Variants in PSMD10 observed in about 807,000 individuals in gnomAD.
PSMD10 encodes proteasome 26S subunit, non-ATPase 10, also known as 26S proteasome non-ATPase regulatory subunit 10.
Under a neutral mutation model 13.2 loss-of-function variants are expected in PSMD10, and 2 were observed. The observed-to-expected ratio is 0.15, with a 90% CI of 0.06 to 0.48. The LOEUF is 0.48. Among genes scored for constraint, PSMD10 ranks in the 20% least tolerant of loss-of-function variants. The probability of loss-of-function intolerance (pLI) is 0.97; values close to 1 mark genes in which losing one functional copy is unlikely to be tolerated. For synonymous variants in PSMD10, 66 were observed against 64.4 expected (o/e 1.03, Z -0.12); for missense variants, 120 against 167.4 (o/e 0.72, Z 1.56).
At chrX:108,090,245 G>T (rs1182945191) in intron 1 of PSMD10, among the ~76,000 whole-genome samples, 1 of 111,876 alleles carries the variant, frequency 8.9e-6, no homozygotes, top group African/African-American at 3.3e-5. Flanking sequence ...TCTGTATTCA[G>T]ATTGCCCCCA....
intron 2 of PSMD10, 71 bp from the exon 3 acceptor site, chrX:108,088,170 G>A (rs2031521493): frequency 1.9e-6 from 2 of 1,043,636 alleles, no homozygotes; most frequent in East Asian, 6.1e-5. Flanking sequence ...ATTTAGGAAG[G>A]GTTAGCAAGG....
At chrX:108,087,520 G>A in intron 4 of PSMD10, 166 bp downstream of exon 4, 1 of 662,909 alleles carries the variant, frequency 1.5e-6, no homozygotes, top group Non-Finnish European at 2.2e-6. Flanking sequence ...TTTCTGAGTG[G>A]CAAGATAATA....
rs1446772445 is a variant in PSMD10, at chrX:108,087,768, T to G, written c.445A>C (p.Lys149Gln). The change falls in exon 4 of 5, where the codon AAG (lysine) becomes CAG (glutamine). Residue 149 changes from lysine to glutamine, a missense_variant. Lys to Gln is a moderately conservative substitution (Grantham distance 53). This residue lies in a region of PSMD10 where 68 missense variants were observed against 124.8 expected (regional missense o/e 0.54). Coordinates refer to ENST00000217958, the MANE Select transcript of PSMD10 (RefSeq NM_002814.4). ...EATAMHRAAAKGNLKMIHILL... is the reference protein window; with the variant it reads ...EATAMHRAAAQGNLKMIHILL... The stretch of plus-strand genomic sequence containing the variant: ...ATATGAATCATCTTCAAGTTACCCT[T>G]GGCTGCTGCCCGGTGCATTGCTGTA... 1 of 1,210,398 alleles carries G rather than the reference T, an allele frequency of 8.3e-7. No homozygotes were observed. The highest frequency in any genetic ancestry group is 1.1e-6 in the Non-Finnish European group (1 of 895,385).
chrX:108,088,268 TAGAATA>T (rs2031522607), intron 2 of PSMD10, among the ~76,000 whole-genome samples, 169 bp from the exon 3 acceptor site: 1 of 112,322 alleles, frequency 8.9e-6, no homozygotes, highest in African/African-American at 3.2e-5. Context: ...ACCATATCAT[TAGAATA>T]AATCTCTTTA....
intron 2 of PSMD10, chrX:108,088,358 GAA>G (rs2031524171): frequency 1.4e-5 from 5 of 354,976 alleles, no homozygotes; most frequent in Non-Finnish European, 2.4e-5. Context: ...CAACATAATA[GAA>G]AGAGTTTATG....
chrX:108,084,835 AAG>A lies in PSMD10; in HGVS notation c.*137_*138del. ...TTCGAACAAGTAACTCAGCAGGAACAAGAGTCAACATGTTTATAAGACTTTGA... is the reference window on the plus strand; with the variant it reads ...TTCGAACAAGTAACTCAGCAGGAACAAGTCAACATGTTTATAAGACTTTGA... On this transcript the variant is annotated 3_prime_UTR_variant, in exon 5 of 5. Coordinates refer to ENST00000217958, the MANE Select transcript of PSMD10 (RefSeq NM_002814.4). 1 of 687,737 alleles carries A rather than the reference AAG, an allele frequency of 1.5e-6. No individual in the cohort carries two copies. The highest frequency in any genetic ancestry group is 2.1e-6 in the Non-Finnish European group (1 of 486,251). The allele number at this position is 687,737 out of a possible 1,213,427, so 56.7% of individuals were successfully genotyped here.
intron 1 of PSMD10, among the ~76,000 whole-genome samples, chrX:108,089,650 T>C (rs1019378093): frequency 9.1e-6 from 1 of 110,239 alleles, no homozygotes; most frequent in Admixed American, 9.7e-5. Context: ...CCTGGCAACA[T>C]GGTGAAACTC....
At chrX:108,091,324 G>T in intron 1 of PSMD10, 83 bp downstream of exon 1, 2 of 911,641 alleles carry the variant, frequency 2.2e-6, no homozygotes, top group Admixed American at 4.5e-5. Flanking sequence ...TCAGAAACGG[G>T]GCCTCCGCTA....
At chrX:108,089,787 G>C (rs1244285929) in intron 1 of PSMD10, among the ~76,000 whole-genome samples, 1 of 110,853 alleles carries the variant, frequency 9.0e-6, no homozygotes, top group African/African-American at 3.3e-5. Context: ...GAGGTGATAC[G>C]GCACCACTGC....
In PSMD10 at chrX:108,088,773, C is replaced by A. The variant is rs777486130; in HGVS notation, c.192G>T (p.Val64=). 2 of 1,204,103 alleles carry A rather than the reference C, an allele frequency of 1.7e-6. No individual in the cohort carries two copies. The highest frequency in any genetic ancestry group is 2.3e-4 in the Middle Eastern group (1 of 4,306). ...EIVEFLLQLG[V]PVNDKDDAGW... is the part of the protein sequence containing the mutation. ...TCACATCGTCTTTATCATTCACTGG[C>A]ACTCCAAGTTGCAACAAAAATTCAA... Residue 64 remains valine (V), a synonymous_variant, in exon 2 of 5, where the codon GTG becomes GTT. Transcript: ENST00000217958.
intron 1 of PSMD10, 96 bp downstream of exon 1, chrX:108,091,309 TTC>T (rs2031609031): frequency 1.2e-6 from 1 of 818,669 alleles, no homozygotes; most frequent in African/African-American, 2.0e-5. Flanking sequence ...GGGGTTCTGC[TTC>T]TCTCAGAAAC....
intron 2 of PSMD10, 109 bp from the exon 3 acceptor site, chrX:108,088,208 C>A: frequency 1.2e-6 from 1 of 807,613 alleles, no homozygotes; most frequent in African/African-American, 2.1e-5. Flanking sequence ...AAAATATTTG[C>A]CTACAAAAAA....
chrX:108,091,380 C>T (rs1188174466), intron 1 of PSMD10, 27 bp downstream of exon 1: 1 of 1,190,200 alleles, frequency 8.4e-7, no homozygotes, highest in African/African-American at 1.7e-5. Context: ...ACGTCGCCGA[C>T]TGCGGAGAGA....
chrX:108,085,700 GT>G (rs1416109908), intron 4 of PSMD10, among the ~76,000 whole-genome samples: 1 of 111,822 alleles, frequency 8.9e-6, no homozygotes, highest in Non-Finnish European at 1.9e-5. Flanking sequence ...GCACTTAAGA[GT>G]TTGCCAGGAG....
chrX:108,084,965 C>A lies in PSMD10; in HGVS notation c.*9G>T. ...CACAACATACAAAGTAAGAATAAAT[C>A]CAAGCTGTTTAACCTTCCACCATTC... On this transcript the variant is annotated 3_prime_UTR_variant, in exon 5 of 5. Transcript: ENST00000217958. The A allele has an allele frequency of 8.4e-7, 1 of 1,186,903 alleles. No homozygotes were observed.
chrX:108,089,206 AT>A (rs1200857248), intron 1 of PSMD10, among the ~76,000 whole-genome samples: 8 of 112,376 alleles, frequency 7.1e-5, no homozygotes, highest in Non-Finnish European at 1.5e-4. Context: ...CATGTATAGT[AT>A]CATTTAATTC....
chrX:108,090,058 ATTTGC>A (rs2031558955), intron 1 of PSMD10, among the ~76,000 whole-genome samples: 1 of 111,923 alleles, frequency 8.9e-6, no homozygotes, highest in African/African-American at 3.2e-5. Flanking sequence ...ATCTTGCCCT[ATTTGC>A]TTTAACTAGT....
intron 1 of PSMD10, among the ~76,000 whole-genome samples, chrX:108,089,142 T>C (rs1299484317): frequency 8.9e-6 from 1 of 112,619 alleles, no homozygotes; most frequent in East Asian, 2.8e-4. Context: ...TTTGGTTGTT[T>C]TACTATTACA....
In PSMD10 at chrX:108,088,035, A is replaced by C; in HGVS notation, c.278T>G (p.Leu93Arg). 1 of 1,210,259 alleles carries C rather than the reference A, an allele frequency of 8.3e-7. No homozygotes were observed. The highest frequency in any genetic ancestry group is 2.2e-5 in the Admixed American group (1 of 45,998). Reference sequence around the variant, plus strand: ...AGCATTCACTTGAGCACCTTTTCCCAGAAGGGCTTTTACAATCTCATCCCG... The same window carrying C: ...AGCATTCACTTGAGCACCTTTTCCCCGAAGGGCTTTTACAATCTCATCCCG... ...AGRDEIVKAL[L>R]GKGAQVNAVN... Residue 93 changes from leucine to arginine, a missense_variant, in exon 3 of 5, where the codon CTG becomes CGG. Coordinates refer to ENST00000217958, the MANE Select transcript of PSMD10 (RefSeq NM_002814.4).
Sources: gnomAD v4.1 joint callset for allele counts (sites outside exome capture counted in the v4.1 genomes callset) on GRCh38, gnomAD v4.1.1 for gene constraint, gnomAD v4.1.1 regional missense constraint, MANE v1.5 for transcripts, NCBI Gene and HGNC (gene_info 2026-07-23, HGNC 2026-07-21) for gene names.